RPS4X: variants seen among roughly 807,000 people sequenced by gnomAD.
The protein encoded by RPS4X is ribosomal protein S4 X-linked.
For synonymous variants in RPS4X, 76 were observed against 76.8 expected, an observed-to-expected ratio of 0.99 and a Z score of 0.06; for missense variants, 90 against 219.1, an observed-to-expected ratio of 0.41 and a Z score of 3.72.
At chrX:72,276,965 G>T (rs1036891062) in intron 1 of RPS4X, among the ~76,000 whole-genome samples, 1 of 112,204 alleles carries the variant, frequency 8.9e-6, no homozygotes, top group Non-Finnish European at 1.9e-5. Flanking sequence ...ACGTATGGCC[G>T]GGTCAGAAAC....
Position 72,273,883 on chromosome X carries a change from G to A in RPS4X, c.450C>T (p.Pro150=), listed in dbSNP as rs770943330. The A allele has an allele frequency of 8.3e-6, 10 of 1,202,297 alleles. No homozygotes were observed. In the African/African-American group the frequency reaches 1.2e-4, roughly 15 times the overall value. ...VTHDARTIRY[P]DPLIKVNDTI... ...TATCATTCACCTTGATGAGGGGATC[G>A]GGGTAGCGGATGGTGCGGGCATCAT... Residue 150 remains proline (P), a synonymous_variant, in exon 5 of 7, where the codon CCC becomes CCT. Transcript: ENST00000316084.
intron 2 of RPS4X, 114 bp downstream of exon 2, chrX:72,276,042 CT>C: frequency 1.7e-6 from 1 of 593,348 alleles, no homozygotes; most frequent in Non-Finnish European, 2.8e-6. Flanking sequence ...AGTATAGCTC[CT>C]TCAAGGGCAG....
intron 3 of RPS4X, among the ~76,000 whole-genome samples, 188 bp downstream of exon 3, chrX:72,275,356 A>C (rs776451069): frequency 8.9e-6 from 1 of 112,014 alleles, no homozygotes; most frequent in Non-Finnish European, 1.9e-5. Context: ...AAGTGAATCG[A>C]AATTTAGTTT....
In RPS4X at chrX:72,273,776, C is replaced by T. The variant is rs200328949; in HGVS notation, c.532+25G>A. 5.0e-3 allele frequency: 5,917 copies of T among 1,188,463 alleles called. 11 individuals are homozygous for T. The highest frequency in any genetic ancestry group is 6.0e-3 in the Non-Finnish European group (5,265 of 877,403). ...AATGATCTAGGCCTTAAAGAGGGTG[C>T]CCAGGTAGCACAGAGGATGCTTACC... is the stretch of plus-strand genomic sequence containing the variant. On this transcript the variant is annotated intron_variant, in intron 5 of 6. Transcript: ENST00000316084.
intron 5 of RPS4X, 149 bp from the exon 6 acceptor site, chrX:72,273,538 C>T (rs2043189315): frequency 7.6e-6 from 5 of 659,401 alleles, no homozygotes; most frequent in East Asian, 3.6e-5. Context: ...CCGGGACTCT[C>T]GTAAGAAATT....
Position 72,272,524 on chromosome X carries a change from G to A in RPS4X, c.*147C>T. 2.4e-6 allele frequency: 1 copy of A among 417,157 alleles called. No individual in the cohort carries two copies. 34.4% of individuals were successfully genotyped at this position (417,157 alleles called of 1,213,427 possible). A position where few individuals can be genotyped will look rare whatever the true frequency, so the allele number is the denominator to read the frequency against. ...TAACAGACTGCCTAAGCCTGCCTGA[G>A]AACTTAATCACTGTTCATGTTATAC... On this transcript the variant is annotated 3_prime_UTR_variant, in exon 7 of 7. Coordinates refer to ENST00000316084, the MANE Select transcript of RPS4X (RefSeq NM_001007.5).
chrX:72,274,379 T>G (rs1448999106), intron 4 of RPS4X: 4 of 341,074 alleles, frequency 1.2e-5, no homozygotes, highest in Non-Finnish European at 2.3e-5. Flanking sequence ...ATCCTTGAAG[T>G]AAATCAAATA....
At chrX:72,277,062 T>C in intron 1 of RPS4X, 131 bp downstream of exon 1, 1 of 796,996 alleles carries the variant, frequency 1.3e-6, no homozygotes, top group Non-Finnish European at 1.8e-6. Context: ...CGTCCCGGCC[T>C]ACCACGGAGG....
intron 5 of RPS4X, 40 bp from the exon 6 acceptor site, chrX:72,273,429 A>G: frequency 8.9e-7 from 1 of 1,122,671 alleles, no homozygotes; most frequent in Admixed American, 2.8e-5. Context: ...TCAATATAAC[A>G]AATGACAAGC....
At chrX:72,276,435 G>A (rs1481179280) in intron 1 of RPS4X, among the ~76,000 whole-genome samples, 2 of 112,286 alleles carry the variant, frequency 1.8e-5, no homozygotes, top group Non-Finnish European at 3.8e-5. Flanking sequence ...CCTTCTTATT[G>A]TAACAGAGAA....
At position 72,273,666 on chromosome X, in the gene RPS4X, G is replaced by A. The variant is rs1461359385; in HGVS notation, c.532+135C>T. 1.5e-5 allele frequency: 8 copies of A among 538,591 alleles called. No individual in the cohort carries two copies. The East Asian group carries it at 2.9e-4, about 19-fold the overall frequency. The allele number at this position is 538,591 out of a possible 1,213,427, so 44.4% of individuals were successfully genotyped here. Reference sequence around the variant, plus strand: ...TAAAGAAAAGAAATGAGTATTCTGAGCATTTGTGCCTCTGGCTATAAACAC... The same window carrying A: ...TAAAGAAAAGAAATGAGTATTCTGAACATTTGTGCCTCTGGCTATAAACAC... On this transcript the variant is annotated intron_variant, in intron 5 of 6. Coordinates refer to ENST00000316084, the MANE Select transcript of RPS4X (RefSeq NM_001007.5).
rs763425226 is a variant in RPS4X at position 72,276,256 on chromosome X, G to A, written c.4-22C>T. 4 of 1,158,863 alleles carry A rather than the reference G, an allele frequency of 3.5e-6. No individual in the cohort carries two copies. In the East Asian group the frequency reaches 8.9e-5, roughly 26 times the overall value. On this transcript the variant is annotated intron_variant, in intron 1 of 6. Coordinates refer to ENST00000316084, the MANE Select transcript of RPS4X (RefSeq NM_001007.5). ...GAGCCTGAAAGTTTTAGATTGCAAT[G>A]CTGTTAATCAGGTTTCAGAACAGCT...
intron 6 of RPS4X, 122 bp from the exon 7 acceptor site, chrX:72,272,894 C>A: frequency 2.0e-6 from 1 of 505,312 alleles, no homozygotes; most frequent in South Asian, 3.4e-5. Context: ...TGCTTGGCAT[C>A]AGCTAGGCAG....
In RPS4X at chrX:72,275,297, G is replaced by A. The variant is rs758379554; in HGVS notation, c.263-147C>T. ...AAGGATTCTGAAGATTAAAGATCAC[G>A]GCCAGATCTTCAATATTTCAAAACC... On this transcript the variant is annotated intron_variant, in intron 3 of 6. Transcript: ENST00000316084. 2.4e-4 allele frequency: 111 copies of A among 467,316 alleles called. 1 individual carries two copies. In the South Asian group the frequency reaches 3.7e-3, roughly 16 times the overall value. 38.5% of individuals were successfully genotyped at this position (467,316 alleles called of 1,213,427 possible).
In RPS4X at chrX:72,273,386, T is replaced by C. The variant is rs1200962396; in HGVS notation, c.536A>G (p.Asn179Ser). ...ITDFIKFDTG[N>S]LCMVTGGANL... The stretch of plus-strand genomic sequence containing the variant: ...AGCACCTCCAGTCACCATACACAGG[T>C]TACCTAGGCAGGAAGAAATAATCTG... Residue 179 changes from asparagine (N) to serine (S), a missense_variant, in exon 6 of 7, where the codon AAC becomes AGC. Physicochemically the swap from Asn to Ser is conservative, Grantham distance 46. Transcript: ENST00000316084. 8.4e-7 allele frequency: 1 copy of C among 1,191,615 alleles called. No individual in the cohort carries two copies. The highest frequency in any genetic ancestry group is 2.4e-5 in the Admixed American group (1 of 42,383).
rs2043184668 is a variant in RPS4X at position 72,272,459 on chromosome X, T to G, written c.*212A>C. On this transcript the variant is annotated 3_prime_UTR_variant, in exon 7 of 7. Coordinates refer to ENST00000316084, the MANE Select transcript of RPS4X (RefSeq NM_001007.5). The stretch of plus-strand genomic sequence containing the variant: ...TTAGTTGCTGTTCCTTTCCCAAGTC[T>G]GGTATCTTCTACTTCCCACCACTAA... 2.8e-6 allele frequency: 1 copy of G among 357,704 alleles called. No individual in the cohort carries two copies. Among genetic ancestry groups the G allele is most frequent in the Admixed American group, 4.9e-5 (1 of 20,517 alleles). 29.5% of individuals were successfully genotyped at this position (357,704 alleles called of 1,213,427 possible).
rs919949178 is a variant in RPS4X, at chrX:72,274,128, G to A, written c.361-156C>T. ...TATGTTGCATAAAGCCCTTCTCTAG[G>A]CTCGTCCTCCTAACATCCACCATTG... On this transcript the variant is annotated intron_variant, in intron 4 of 6. Coordinates refer to ENST00000316084, the MANE Select transcript of RPS4X (RefSeq NM_001007.5). 15 of 484,739 alleles carry A rather than the reference G, an allele frequency of 3.1e-5. No individual in the cohort carries two copies. In the South Asian group the frequency reaches 4.4e-4, roughly 14 times the overall value. 39.9% of individuals were successfully genotyped at this position (484,739 alleles called of 1,213,427 possible).
In RPS4X at chrX:72,276,205, C is replaced by G. The variant is rs1481287193; in HGVS notation, c.33G>C (p.Arg11=). The G allele has an allele frequency of 3.3e-6, 4 of 1,210,776 alleles. No homozygotes were observed. Among genetic ancestry groups the G allele is most frequent in the Non-Finnish European group, 4.5e-6 (4 of 894,704 alleles). The stretch of plus-strand genomic sequence containing the variant: ...GCATCCAATGCTTTGGAGCTGCCAC[C>G]CGCTTCAGATGCTTCTTGGGACCAC... MARGPKKHLK[R]VAAPKHWMLD... Residue 11 remains arginine, a synonymous_variant, in exon 2 of 7, where the codon CGG becomes CGC. Transcript: ENST00000316084.
chrX:72,273,993 G>A (rs751836309), intron 4 of RPS4X, 21 bp from the exon 5 acceptor site: 1 of 1,195,342 alleles, frequency 8.4e-7, no homozygotes, highest in South Asian at 1.8e-5. Flanking sequence ...ACAAGGGTTA[G>A]CCACATTCAA....
Sources: allele counts gnomAD v4.1 joint callset (sites outside exome capture counted in the v4.1 genomes callset), GRCh38; gene constraint gnomAD v4.1.1; transcripts MANE v1.5; gene names NCBI Gene and HGNC (gene_info 2026-07-23, HGNC 2026-07-21).